Variants in MAEA observed in about 807,000 individuals in gnomAD.
The protein encoded by MAEA is E3 ubiquitin-protein transferase MAEA.
Under a neutral mutation model 46.2 loss-of-function variants are expected in MAEA, and 22 were observed. The ratio of observed to expected loss-of-function variants is 0.48; its 90% CI spans 0.34 to 0.68. The LOEUF (loss-of-function observed/expected upper bound fraction) is 0.68, where lower values mean the gene tolerates loss of function less well. Ranked by LOEUF, MAEA falls within the 30% of genes least tolerant of loss-of-function variation. MAEA has a pLI of 0.01. For missense variants in MAEA, 393 were observed against 558.1 expected (o/e 0.70, Z 2.98); for synonymous variants, 246 against 222.6 (o/e 1.11, Z -0.94).
chr4:1,298,072 G>A (rs1215694716), intron 1 of MAEA: 1 of 456,326 alleles, frequency 2.2e-6, no homozygotes, highest in Admixed American at 2.3e-5. Context: ...CTGCCTGGCA[G>A]CATAGCCATG....
At chr4:1,328,961 C>T (rs1004536412) in intron 5 of MAEA, 36 of 992,832 alleles carry the variant, frequency 3.6e-5, no homozygotes, top group Non-Finnish European at 4.3e-5. Context: ...CCAGGGGCCC[C>T]CTGTCAAGAG....
At chr4:1,323,672 A>C (rs2108964053) in intron 4 of MAEA, 2 of 697,884 alleles carry the variant, frequency 2.9e-6, no homozygotes, top group East Asian at 5.4e-5. Context: ...GAGCCGGCAC[A>C]CACCTCACAG....
At chr4:1,290,836 C>T (rs1734034338) in intron 1 of MAEA, among the ~76,000 whole-genome samples, 4 of 152,188 alleles carry the variant, frequency 2.6e-5, no homozygotes, top group Admixed American at 2.6e-4. Flanking sequence ...GTTCCCCCAG[C>T]CCCAGGGCAG....
At chr4:1,309,901 A>C in intron 1 of MAEA, 3 of 1,289,228 alleles carry the variant, frequency 2.3e-6, no homozygotes, top group Non-Finnish European at 3.0e-6. Context: ...GGGGTTGGAA[A>C]GTCCAGAAAG....
At chr4:1,322,183 T>G (rs1275669250) in intron 3 of MAEA, among the ~76,000 whole-genome samples, 198 bp from the exon 4 acceptor site, 2 of 152,242 alleles carry the variant, frequency 1.3e-5, no homozygotes, top group Admixed American at 6.5e-5. Flanking sequence ...GACCTTTTGG[T>G]CCTTGGGGGC....
chr4:1,307,977 G>C (rs1735996262), intron 1 of MAEA, among the ~76,000 whole-genome samples: 1 of 147,868 alleles, frequency 6.8e-6, no homozygotes, highest in African/African-American at 2.4e-5. Context: ...TCAAGTTGAT[G>C]CCTGAAATGA....
Position 1,327,714 on chromosome 4 carries a change from C to T in MAEA, c.656+11C>T, listed in dbSNP as rs1364466073. 6.8e-6 allele frequency: 11 copies of T among 1,611,496 alleles called. No homozygotes were observed. Among genetic ancestry groups the T allele is most frequent in the Non-Finnish European group, 9.3e-6 (11 of 1,178,236 alleles). The stretch of plus-strand genomic sequence containing the variant: ...ACTGGACGCTGTGAGGTAGGCATTG[C>T]GGACGTGCGTCTCCTCGAGGGAGGG... On this transcript the variant is annotated intron_variant, in intron 5 of 8. Coordinates refer to ENST00000303400, the MANE Select transcript of MAEA (RefSeq NM_001017405.3).
At chr4:1,291,303 T>C (rs749942839) in intron 1 of MAEA, among the ~76,000 whole-genome samples, 7 of 152,166 alleles carry the variant, frequency 4.6e-5, no homozygotes, top group Non-Finnish European at 8.8e-5. Context: ...GCCACACTAA[T>C]GGTTTCGCAG....
chr4:1,320,082 A>G (rs1331519486), intron 3 of MAEA, among the ~76,000 whole-genome samples: 1 of 151,874 alleles, frequency 6.6e-6, no homozygotes, highest in African/African-American at 2.4e-5. Flanking sequence ...AAGGGGCTTC[A>G]GAAAAGAAAT....
intron 4 of MAEA, among the ~76,000 whole-genome samples, chr4:1,324,294 G>A (rs1184500163): frequency 2.7e-5 from 4 of 150,830 alleles, no homozygotes; most frequent in Non-Finnish European, 4.4e-5. Flanking sequence ...GGATGAGTGT[G>A]TCTGGTGTTG....
At chr4:1,310,296 G>C (rs1443899984) in intron 1 of MAEA, among the ~76,000 whole-genome samples, 1 of 152,216 alleles carries the variant, frequency 6.6e-6, no homozygotes, top group East Asian at 1.9e-4. Context: ...TATTTATGGA[G>C]AGCTGAAGTG....
At chr4:1,315,755 C>T (rs1459199797) in intron 3 of MAEA, among the ~76,000 whole-genome samples, 155 bp downstream of exon 3, 33 of 119,060 alleles carry the variant, frequency 2.8e-4, no homozygotes, top group African/African-American at 1.0e-3. Flanking sequence ...CCCCCACCCC[C>T]GTGTGCGTGT....
chr4:1,328,563 G>T, intron 5 of MAEA: 2 of 1,145,626 alleles, frequency 1.7e-6, no homozygotes, highest in Non-Finnish European at 2.2e-6. Context: ...TGCCCAGCAG[G>T]TGTGTTTGCC....
chr4:1,309,500 C>G, intron 1 of MAEA: 1 of 1,337,978 alleles, frequency 7.5e-7, no homozygotes, highest in Non-Finnish European at 9.6e-7. Context: ...GGGTCAGCAG[C>G]TGCCCTGCTG....
chr4:1,294,865 G>C (rs557264592), intron 1 of MAEA, among the ~76,000 whole-genome samples: 2 of 151,894 alleles, frequency 1.3e-5, no homozygotes, highest in Non-Finnish European at 2.9e-5. Context: ...CAGTGAATGC[G>C]ATATTGTGAG....
intron 7 of MAEA, chr4:1,338,192 T>A: frequency 2.0e-6 from 1 of 498,126 alleles, no homozygotes; most frequent in Non-Finnish European, 3.6e-6. Context: ...GTCCTGGTGC[T>A]GGAGGCCGGG....
At chr4:1,307,560 CATAAT>C (rs773477591) in intron 1 of MAEA, among the ~76,000 whole-genome samples, 3 of 152,164 alleles carry the variant, frequency 2.0e-5, no homozygotes, top group Non-Finnish European at 4.4e-5. Context: ...GGACGGAACT[CATAAT>C]ATATAGAGGT....
chr4:1,289,894 A>G lies in MAEA; in HGVS notation c.-20A>G. On this transcript the variant is annotated 5_prime_UTR_variant, in exon 1 of 9. Transcript: ENST00000303400. ...CGCGCTCGCGCGTCCCCCGCCCGCT[A>G]ATGTTTTGGCCGCTTCAAGATGGCG... 1.3e-6 allele frequency: 2 copies of G among 1,587,714 alleles called. No homozygotes were observed. The highest frequency in any genetic ancestry group is 2.3e-5 in the South Asian group (2 of 87,850).
In MAEA at chr4:1,315,439, T is replaced by G; in HGVS notation, c.295T>G (p.Cys99Gly). 6.2e-7 allele frequency: 1 copy of G among 1,613,892 alleles called. No individual in the cohort carries two copies. Among genetic ancestry groups the G allele is most frequent in the Admixed American group, 1.7e-5 (1 of 60,028 alleles). The change falls in exon 3 of 9, where the codon TGC becomes GGC. Residue 99 changes from cysteine (C) to glycine (G), a missense_variant. Cys to Gly is a radical substitution (Grantham distance 159). Transcript: ENST00000303400. ...IQAEDESAKL[C>G]KRRIEHLKEH... ...GGCCGAGGACGAGAGCGCCAAGCTG[T>G]GCAAGCGCCGGATCGAGCACCTCAA...
Sources: gnomAD v4.1 joint callset for allele counts (sites outside exome capture counted in the v4.1 genomes callset) on GRCh38, gnomAD v4.1.1 for gene constraint, MANE v1.5 for transcripts, NCBI Gene and HGNC (gene_info 2026-07-23, HGNC 2026-07-21) for gene names.